VWA7: variants seen among roughly 807,000 people sequenced by gnomAD.
The protein encoded by VWA7 is von Willebrand factor A domain-containing protein 7.
In VWA7, 66 loss-of-function variants were observed where a neutral mutation model predicts 83.1. That is an observed-to-expected ratio of 0.79 (90% CI 0.65 to 0.98). The LOEUF (loss-of-function observed/expected upper bound fraction) is 0.98. Ranked by LOEUF, VWA7 falls within the 50% of genes least tolerant of loss-of-function variation. The pLI is 0.00. For missense variants in VWA7, 1,080 were observed against 1,160.2 expected (o/e 0.93, Z 1.00); for synonymous variants, 424 against 488.5 (o/e 0.87, Z 1.74).
rs1444110293 is a variant in VWA7, at chr6:31,766,323, G to C, written c.2246C>G (p.Ala749Gly). The C allele has an allele frequency of 6.2e-7, 1 of 1,611,188 alleles. No individual in the cohort carries two copies. Among genetic ancestry groups the C allele is most frequent in the Admixed American group, 1.7e-5 (1 of 59,630 alleles). ...GSKVPLSLRI[A>G]SFSGPQDLDL... ...AAGATCCTGAGGGCCCGAGAAGCTG[G>C]CGATGCGGAGACTGAGCGGGACTTT... Residue 749 changes from alanine to glycine, a missense_variant, in exon 15 of 17, where the codon GCC (alanine) becomes GGC (glycine). Coordinates refer to ENST00000375688, the MANE Select transcript of VWA7 (RefSeq NM_025258.3). This position sits in a 1 kb window ranked among gnomAD's most constrained non-coding sequence, Gnocchi z 4.9.
chr6:31,768,957 G>A, intron 10 of VWA7, 61 bp downstream of exon 10: 1 of 1,501,114 alleles, frequency 6.7e-7, no homozygotes, highest in Non-Finnish European at 8.9e-7. Flanking sequence ...TCTCCTATAA[G>A]AAGAGAGGTG....
Position 31,766,310 on chromosome 6 carries a change from G to A in VWA7, c.2259C>T (p.Gly753=). 6.2e-7 allele frequency: 1 copy of A among 1,612,048 alleles called. No homozygotes were observed. Among genetic ancestry groups the A allele is most frequent in the Non-Finnish European group, 8.5e-7 (1 of 1,179,770 alleles). ...AAGTCCTAAGGTCAAGATCCTGAGG[G>A]CCCGAGAAGCTGGCGATGCGGAGAC... ...PLSLRIASFS[G]PQDLDLRTFV... The change falls in exon 15 of 17, where the codon GGC becomes GGT. Residue 753 remains glycine (G), a synonymous_variant. Coordinates refer to ENST00000375688, the MANE Select transcript of VWA7 (RefSeq NM_025258.3). This position sits in a 1 kb window ranked among gnomAD's most constrained non-coding sequence, Gnocchi z 4.9.
rs1812431477 is a variant in VWA7, at chr6:31,773,782, G to T, written c.722-345C>A. ...AAATAGCTTGATCCCAAGAGGCGGA[G>T]GTTGCAGTGAACCGAGATCACGCCA... is the stretch of plus-strand genomic sequence containing the variant. On this transcript the variant is annotated intron_variant, in intron 5 of 16. Coordinates refer to ENST00000375688, the MANE Select transcript of VWA7 (RefSeq NM_025258.3). The surrounding 1 kb of genome is among the most constrained non-coding windows in gnomAD (Gnocchi z 5.3). 6.6e-6 allele frequency among the ~76,000 whole-genome samples: 1 copy of T among 152,142 alleles called. No individual in the cohort carries two copies. Among genetic ancestry groups the T allele is most frequent in the Admixed American group, 6.5e-5 (1 of 15,280 alleles).
In VWA7 at chr6:31,766,490, A is replaced by G. The variant is rs1222018735; in HGVS notation, c.2157T>C (p.Pro719=). ...GRRLHRAAPQ[P]STVVPVLLEL... ...CCAGAAGGACAGGGACTACAGTGCT[A>G]GGCTGAGGGGCAGCCCTGTGCAGGC... The change falls in exon 14 of 17, where the codon CCT becomes CCC. Residue 719 remains proline (P), a synonymous_variant. Transcript: ENST00000375688. The surrounding 1 kb of genome is among the most constrained non-coding windows in gnomAD (Gnocchi z 4.9). 6.2e-7 allele frequency: 1 copy of G among 1,603,434 alleles called. No homozygotes were observed. Among genetic ancestry groups the G allele is most frequent in the Non-Finnish European group, 8.5e-7 (1 of 1,174,340 alleles).
Position 31,766,537 on chromosome 6 carries a change from C to T in VWA7, c.2110G>A (p.Gly704Ser), listed in dbSNP as rs780877222. 1 of 1,612,338 alleles carries T rather than the reference C, an allele frequency of 6.2e-7. No homozygotes were observed. ...TPRPFSLELIGQDAAGRRLHR... is the reference protein window; with the variant it reads ...TPRPFSLELISQDAAGRRLHR... ...AGGCGCCGCCCCGCTGCGTCCTGGC[C>T]AATCAGCTCCAGGGAGAAGGGTCTA... The change falls in exon 14 of 17, where the codon GGC becomes AGC. Residue 704 changes from glycine to serine, a missense_variant. Gly to Ser is a moderately conservative substitution (Grantham distance 56). Coordinates refer to ENST00000375688, the MANE Select transcript of VWA7 (RefSeq NM_025258.3). The surrounding 1 kb of genome is among the most constrained non-coding windows in gnomAD (Gnocchi z 4.9).
At position 31,769,258 on chromosome 6, in the gene VWA7, T is replaced by C; in HGVS notation, c.1318-55A>G. ...GGTGTCCAAGTGCCATCCACTATTA[T>C]GAATGAGAATCCCTGTGCTCAAGCT... On this transcript the variant is annotated intron_variant, in intron 9 of 16. Transcript: ENST00000375688. This position sits in a 1 kb window ranked among gnomAD's most constrained non-coding sequence, Gnocchi z 4.5. 6.4e-7 allele frequency: 1 copy of C among 1,563,796 alleles called. No individual in the cohort carries two copies. The highest frequency in any genetic ancestry group is 8.7e-7 in the Non-Finnish European group (1 of 1,152,330).
Position 31,775,357 on chromosome 6 carries a change from G to C in VWA7, c.586C>G (p.Gln196Glu). The C allele has an allele frequency of 6.2e-7, 1 of 1,612,506 alleles. No homozygotes were observed. Among genetic ancestry groups the C allele is most frequent in the Non-Finnish European group, 8.5e-7 (1 of 1,179,810 alleles). The change falls in exon 4 of 17, where the codon CAG (glutamine) becomes GAG (glutamate). Residue 196 changes from glutamine to glutamate, a missense_variant. By Grantham distance (29) the Gln-to-Glu change is conservative. Transcript: ENST00000375688. The surrounding 1 kb of genome is among the most constrained non-coding windows in gnomAD (Gnocchi z 5.9). ...QPHPHLLWPR[Q>E]ELQNLAQVAD... The stretch of plus-strand genomic sequence containing the variant: ...CCTTGTGCCAGGTTCTGGAGCTCCT[G>C]CCTTGGCCAGAGGAGGTGAGGGTGT...
In VWA7 at chr6:31,776,301, A is replaced by G; in HGVS notation, c.235-59T>C. 2 of 1,565,414 alleles carry G rather than the reference A, an allele frequency of 1.3e-6. No homozygotes were observed. The highest frequency in any genetic ancestry group is 2.4e-5 in the South Asian group (2 of 84,324). On this transcript the variant is annotated intron_variant, in intron 2 of 16. Coordinates refer to ENST00000375688, the MANE Select transcript of VWA7 (RefSeq NM_025258.3). The surrounding 1 kb of genome is among the most constrained non-coding windows in gnomAD (Gnocchi z 6.2). ...AGGCCCTTTGGATTGACTGTTGCCC[A>G]CCTTATCTCAGCAACTGACACTCAA...
chr6:31,769,254 A>AT lies in VWA7; in HGVS notation c.1318-52dup, dbSNP rs768526978. On this transcript the variant is annotated intron_variant, in intron 9 of 16. Coordinates refer to ENST00000375688, the MANE Select transcript of VWA7 (RefSeq NM_025258.3). This position sits in a 1 kb window ranked among gnomAD's most constrained non-coding sequence, Gnocchi z 4.5. ...TTGGGGTGTCCAAGTGCCATCCACT[A>AT]TTATGAATGAGAATCCCTGTGCTCA... 8 of 1,569,994 alleles carry AT rather than the reference A, an allele frequency of 5.1e-6. No individual in the cohort carries two copies. Among genetic ancestry groups the AT allele is most frequent in the Non-Finnish European group, 6.1e-6 (7 of 1,156,034 alleles).
rs757981628 is a variant in VWA7 at position 31,774,531 on chromosome 6, G to C, written c.706C>G (p.Pro236Ala). The change falls in exon 5 of 17, where the codon CCC (proline) becomes GCC (alanine). Residue 236 changes from proline to alanine, a missense_variant. Physicochemically the swap from Pro to Ala is conservative, Grantham distance 27. Transcript: ENST00000375688. The stretch of plus-strand genomic sequence containing the variant: ...TGTCTGGTACCTGGAGGTTTCGGGG[G>C]ATGAGTTCCAAAGTAGCCAGAGGTG... ...LLTSGYFGTHPPKPPGKCSHG... is the reference protein window; with the variant it reads ...LLTSGYFGTHAPKPPGKCSHG... 1.2e-6 allele frequency: 2 copies of C among 1,612,780 alleles called. No homozygotes were observed. Among genetic ancestry groups the C allele is most frequent in the East Asian group, 2.2e-5 (1 of 44,878 alleles).
Position 31,767,211 on chromosome 6 carries a change from G to T in VWA7, c.1829C>A (p.Pro610His). ...GCCAGGGTGGGGTCCATCCTCCATG[G>T]GGATCCCAAAGTGGAAGAGGAAGTC... is the stretch of plus-strand genomic sequence containing the variant. Reference protein sequence around the residue: ...SLDFLFHFGIPMEDGPHPGLY... With the variant: ...SLDFLFHFGIHMEDGPHPGLY... Residue 610 changes from proline (P) to histidine (H), a missense_variant, in exon 13 of 17, where the codon CCC (proline) becomes CAC (histidine). Coordinates refer to ENST00000375688, the MANE Select transcript of VWA7 (RefSeq NM_025258.3). The T allele has an allele frequency of 6.2e-7, 1 of 1,604,894 alleles. No homozygotes were observed. Among genetic ancestry groups the T allele is most frequent in the East Asian group, 2.3e-5 (1 of 44,354 alleles).
At position 31,776,356 on chromosome 6, in the gene VWA7, A is replaced by G; in HGVS notation, c.235-114T>C. The G allele has an allele frequency of 1.4e-6, 2 of 1,438,826 alleles. No homozygotes were observed. The highest frequency in any genetic ancestry group is 1.9e-6 in the Non-Finnish European group (2 of 1,070,544). 89.1% of individuals were successfully genotyped at this position (1,438,826 alleles called of 1,614,324 possible). A position where few individuals can be genotyped will look rare whatever the true frequency, so the allele number is the denominator to read the frequency against. On this transcript the variant is annotated intron_variant, in intron 2 of 16. Coordinates refer to ENST00000375688, the MANE Select transcript of VWA7 (RefSeq NM_025258.3). The surrounding 1 kb of genome is among the most constrained non-coding windows in gnomAD (Gnocchi z 6.2). Reference sequence around the variant, plus strand: ...GGGTATGAGGGTCCTGAGCCCCACAAAGGAGGGACAGTCCCGGACCTTTCT... The same window carrying G: ...GGGTATGAGGGTCCTGAGCCCCACAGAGGAGGGACAGTCCCGGACCTTTCT...
At position 31,766,671 on chromosome 6, in the gene VWA7, C is replaced by T. The variant is rs759667140; in HGVS notation, c.1976G>A (p.Arg659Gln). Residue 659 changes from arginine to glutamine, a missense_variant, in exon 14 of 17, where the codon CGA (arginine) becomes CAA (glutamine). Physicochemically the swap from Arg to Gln is conservative, Grantham distance 43 (BLOSUM62 1). Coordinates refer to ENST00000375688, the MANE Select transcript of VWA7 (RefSeq NM_025258.3). The surrounding 1 kb of genome is among the most constrained non-coding windows in gnomAD (Gnocchi z 4.9). ...PQPHFSHVIL[R>Q]GVPEGAELGQ... ...TAGTTCGGCACCCTCTGGGACCCCT[C>T]GAAGGATGACGTGGGAGAAATGCGG... 5.6e-6 allele frequency: 9 copies of T among 1,612,882 alleles called. No homozygotes were observed. The highest frequency in any genetic ancestry group is 1.7e-5 in the Admixed American group (1 of 60,016).
chr6:31,769,693 A>T lies in VWA7; in HGVS notation c.1299T>A (p.Thr433=), dbSNP rs1358892902. Residue 433 remains threonine, a synonymous_variant, in exon 9 of 17, where the codon ACT becomes ACA. Transcript: ENST00000375688. The surrounding 1 kb of genome is among the most constrained non-coding windows in gnomAD (Gnocchi z 4.5). ...TGCTCACCCGGCAGCGCCGCTCCTG[A>T]GTCAGGGATTCCACCTGGTTGGTGA... ...AFLTNQVESL[T]QERRCRVTFL... The T allele has an allele frequency of 9.9e-6, 16 of 1,612,852 alleles. No individual in the cohort carries two copies. The Admixed American group carries it at 2.7e-4, about 27-fold the overall frequency.
rs763340385 is a variant in VWA7, at chr6:31,766,481, T to C, written c.2166A>G (p.Val722=). Residue 722 remains valine (V), a synonymous_variant, in exon 14 of 17, where the codon GTA becomes GTG. Coordinates refer to ENST00000375688, the MANE Select transcript of VWA7 (RefSeq NM_025258.3). This position sits in a 1 kb window ranked among gnomAD's most constrained non-coding sequence, Gnocchi z 4.9. ...LHRAAPQPST[V]VPVLLELSGP... ...GTCTCACCTCCAGAAGGACAGGGAC[T>C]ACAGTGCTAGGCTGAGGGGCAGCCC... The C allele has an allele frequency of 1.2e-5, 20 of 1,600,228 alleles. No individual in the cohort carries two copies. The highest frequency in any genetic ancestry group is 2.7e-5 in the African/African-American group (2 of 74,606).
chr6:31,775,835 C>T lies in VWA7; in HGVS notation c.513+129G>A. 7.0e-7 allele frequency: 1 copy of T among 1,435,698 alleles called. No homozygotes were observed. The highest frequency in any genetic ancestry group is 9.3e-7 in the Non-Finnish European group (1 of 1,075,290). The allele number at this position is 1,435,698 out of a possible 1,614,324, so 88.9% of individuals were successfully genotyped here. ...GGAACTGGGACACAGCCTCGGGGCA[C>T]CGCGTGCCAGTGCCCACCCCTTCCA... is the stretch of plus-strand genomic sequence containing the variant. On this transcript the variant is annotated intron_variant, in intron 3 of 16. Coordinates refer to ENST00000375688, the MANE Select transcript of VWA7 (RefSeq NM_025258.3). This position sits in a 1 kb window ranked among gnomAD's most constrained non-coding sequence, Gnocchi z 5.9.
rs1216238172 is a variant in VWA7, at chr6:31,776,082, C to G, written c.395G>C (p.Arg132Pro). The G allele has an allele frequency of 6.2e-7, 1 of 1,613,982 alleles. No individual in the cohort carries two copies. The highest frequency in any genetic ancestry group is 1.3e-5 in the African/African-American group (1 of 75,042). ...NDPDLHFDAE[R>P]LGQGRARLVG... ...CAGGCGCGCGCGTCCCTGACCCAGT[C>G]GCTCAGCATCAAAGTGCAGGTCGGG... The change falls in exon 3 of 17, where the codon CGA (arginine) becomes CCA (proline). Residue 132 changes from arginine to proline, a missense_variant. Transcript: ENST00000375688. The surrounding 1 kb of genome is among the most constrained non-coding windows in gnomAD (Gnocchi z 6.2).
chr6:31,767,718 C>A lies in VWA7; in HGVS notation c.1540G>T (p.Gly514Trp), dbSNP rs1013655817. 1 of 1,612,724 alleles carries A rather than the reference C, an allele frequency of 6.2e-7. No individual in the cohort carries two copies. The highest frequency in any genetic ancestry group is 1.3e-5 in the African/African-American group (1 of 74,876). ...LPLDPPVVVP[G>W]QPLVFSVDGL... The stretch of plus-strand genomic sequence containing the variant: ...TCCACGCTGAACACAAGTGGCTGCC[C>A]AGGCACCACAACAGGAGGGTCCAGG... The change falls in exon 11 of 17, where the codon GGG (glycine) becomes TGG (tryptophan). Residue 514 changes from glycine (G) to tryptophan (W), a missense_variant. By Grantham distance (184) the Gly-to-Trp change is radical. Coordinates refer to ENST00000375688, the MANE Select transcript of VWA7 (RefSeq NM_025258.3).
At chr6:31,768,766 C>T (rs745854580) in intron 10 of VWA7, among the ~76,000 whole-genome samples, 2 of 152,040 alleles carry the variant, frequency 1.3e-5, no homozygotes, top group Admixed American at 6.6e-5. Flanking sequence ...ATCCCTTGAA[C>T]CCGGGAGGTG....
Sources: gnomAD v4.1 joint callset for allele counts (sites outside exome capture counted in the v4.1 genomes callset) on GRCh38, gnomAD v4.1.1 for gene constraint, Gnocchi (gnomAD v3.1) non-coding constraint, MANE v1.5 for transcripts, NCBI Gene and HGNC (gene_info 2026-07-23, HGNC 2026-07-21) for gene names.